The following TP53BP1 variants were observed in gnomAD, a reference collection of about 807,000 sequenced individuals.
TP53BP1 encodes tumor protein p53 binding protein 1.
TP53BP1 carries 61 observed loss-of-function variants against 200.8 expected under a neutral mutation model. The ratio of observed to expected loss-of-function variants is 0.30; its 90% CI spans 0.25 to 0.38. TP53BP1 has a LOEUF of 0.38. TP53BP1 is among the 10% of genes least tolerant of loss of function. The pLI, the probability that TP53BP1 is intolerant of heterozygous loss-of-function variation, is 1.00. For synonymous variants in TP53BP1, 822 were observed against 844.3 expected (o/e 0.97, Z 0.46); for missense variants, 2,144 against 2,371.9 (o/e 0.90, Z 2.00).
intron 10 of TP53BP1, among the ~76,000 whole-genome samples, chr15:43,472,874 T>G (rs1395924565): frequency 6.6e-6 from 1 of 152,188 alleles, no homozygotes; most frequent in African/African-American, 2.4e-5. Flanking sequence ...GGTGGGTTCT[T>G]GGTCTCACTG....
chr15:43,447,549 T>C, intron 12 of TP53BP1, 64 bp from the exon 13 acceptor site: 1 of 1,332,894 alleles, frequency 7.5e-7, no homozygotes, highest in Non-Finnish European at 1.0e-6. Flanking sequence ...AACAGAAGTA[T>C]AAAATAAGCA....
At chr15:43,498,416 C>T (rs141691972) in intron 1 of TP53BP1, among the ~76,000 whole-genome samples, 120 of 152,276 alleles carry the variant, frequency 7.9e-4, no homozygotes, top group African/African-American at 2.7e-3. Context: ...GAGGATATAT[C>T]ACACTTTAAT....
In TP53BP1 at chr15:43,438,355, G is replaced by C. The variant is rs2045848964; in HGVS notation, c.3160C>G (p.Arg1054Gly). 7 of 1,613,768 alleles carry C rather than the reference G, an allele frequency of 4.3e-6. No individual in the cohort carries two copies. The highest frequency in any genetic ancestry group is 4.5e-5 in the East Asian group (2 of 44,880). The change falls in exon 16 of 28, where the codon CGA (arginine) becomes GGA (glycine). Residue 1054 changes from arginine (R) to glycine (G), a missense_variant. By Grantham distance (125) the Arg-to-Gly change is moderately radical (BLOSUM62 -2). Transcript: ENST00000382044. ...GGTGTGGTGGGGGGATCCTCACTTC[G>C]AGCCTCATTCTCTTGCCTGGCTTCA... ...ICEARQENEARSEDPPTTPIR... is the reference protein window; with the variant it reads ...ICEARQENEAGSEDPPTTPIR...
intron 12 of TP53BP1, among the ~76,000 whole-genome samples, chr15:43,452,258 T>C (rs984172952): frequency 6.6e-6 from 1 of 152,200 alleles, no homozygotes; most frequent in East Asian, 1.9e-4. Flanking sequence ...TTTATACAAT[T>C]TTCTAAGTTA....
chr15:43,407,130 G>A lies in TP53BP1; in HGVS notation c.*253C>T. On this transcript the variant is annotated 3_prime_UTR_variant, in exon 28 of 28. Transcript: ENST00000382044. ...CCAGCTGTCCTCCGTAAGTGAATAAGCCTGTTGAAAGACTCAGAGAAAGTA... is the reference window on the plus strand; with the variant it reads ...CCAGCTGTCCTCCGTAAGTGAATAAACCTGTTGAAAGACTCAGAGAAAGTA... 4.7e-6 allele frequency: 2 copies of A among 421,728 alleles called. No homozygotes were observed. The highest frequency in any genetic ancestry group is 3.4e-5 in the South Asian group (1 of 29,792). 26.1% of individuals were successfully genotyped at this position (421,728 alleles called of 1,614,324 possible).
rs759792821 is a variant in TP53BP1, at chr15:43,407,333, AAC to A, written c.*48_*49del. 6.4e-7 allele frequency: 1 copy of A among 1,562,230 alleles called. No homozygotes were observed. The highest frequency in any genetic ancestry group is 1.3e-5 in the African/African-American group (1 of 74,102). On this transcript the variant is annotated 3_prime_UTR_variant, in exon 28 of 28. Transcript: ENST00000382044. ...CAAGACACATTTAAAACCTGGTTAA[AAC>A]ACAATCTCCACGATAGCAGGGAATA...
At chr15:43,421,295 G>A (rs1273407878) in intron 19 of TP53BP1, 121 bp from the exon 20 acceptor site, 3 of 1,072,468 alleles carry the variant, frequency 2.8e-6, no homozygotes, top group Non-Finnish European at 2.7e-6. Flanking sequence ...TGGGGCAGCA[G>A]GAAGCTGGTT....
intron 23 of TP53BP1, among the ~76,000 whole-genome samples, chr15:43,413,631 C>A (rs2045187369): frequency 1.3e-5 from 2 of 152,164 alleles, no homozygotes; most frequent in Non-Finnish European, 2.9e-5. Flanking sequence ...CATATAGCCA[C>A]ACCAAATACT....
rs778723745 is a variant in TP53BP1, at chr15:43,470,030, C to A, written c.1217G>T (p.Gly406Val). ...AAGTTTCTTCTGAAAAGGCTCTCCT[C>A]CTTCTTCAGATAACACTGACGTGTC... Reference protein sequence around the residue: ...PMDTSVLSEEGGEPFQKKLQS... With the variant: ...PMDTSVLSEEVGEPFQKKLQS... The change falls in exon 11 of 28, where the codon GGA becomes GTA. Residue 406 changes from glycine to valine, a missense_variant. By Grantham distance (109) the Gly-to-Val change is moderately radical. This residue lies in a region of TP53BP1 where 1,700 missense variants were observed against 1,710.3 expected (regional missense o/e 0.99). Coordinates refer to ENST00000382044, the MANE Select transcript of TP53BP1 (RefSeq NM_001141980.3). 1 of 1,613,374 alleles carries A rather than the reference C, an allele frequency of 6.2e-7. No homozygotes were observed. The highest frequency in any genetic ancestry group is 1.7e-5 in the Admixed American group (1 of 60,024).
upstream of TP53BP1, chr15:43,497,688 G>A (rs1052139980): frequency 6.5e-6 from 1 of 153,766 alleles, no homozygotes; most frequent in Admixed American, 6.5e-5. Flanking sequence ...AATTCAGAAA[G>A]AGAGAAAGTA....
chr15:43,440,281 G>C (rs1013773389), intron 15 of TP53BP1, among the ~76,000 whole-genome samples: 1 of 152,100 alleles, frequency 6.6e-6, no homozygotes, highest in African/African-American at 2.4e-5. Flanking sequence ...ACTCTGTCTT[G>C]CGGGCGGATC....
At chr15:43,445,749 C>T (rs896449217) in intron 14 of TP53BP1, among the ~76,000 whole-genome samples, 6 of 152,112 alleles carry the variant, frequency 3.9e-5, no homozygotes, top group Admixed American at 3.3e-4. Flanking sequence ...CCTACTCGCT[C>T]CTCAAATTCA....
chr15:43,414,160 T>C (rs1272059605), intron 23 of TP53BP1: 7 of 467,802 alleles, frequency 1.5e-5, no homozygotes, highest in African/African-American at 2.0e-5. Flanking sequence ...AGAGGCAATA[T>C]GACGTTATAT....
intron 25 of TP53BP1, chr15:43,409,325 G>A (rs1038432733): frequency 1.2e-5 from 7 of 586,258 alleles, no homozygotes; most frequent in Admixed American, 3.0e-5. Context: ...AATCCTCAAC[G>A]GACAACCAAA....
rs773176867 is a variant in TP53BP1, at chr15:43,406,910, G to C, written c.*473C>G. On this transcript the variant is annotated 3_prime_UTR_variant, in exon 28 of 28. Transcript: ENST00000382044. ...GCTGTGATCTCAGCTCAGAGAGAGA[G>C]CATGAGGTCTTTTTTAACTGTCAGG... The C allele has an allele frequency of 1.6e-5, 4 of 248,166 alleles. No individual in the cohort carries two copies. The highest frequency in any genetic ancestry group is 2.4e-5 in the Non-Finnish European group (3 of 125,364). 15.4% of individuals were successfully genotyped at this position (248,166 alleles called of 1,614,324 possible). A position where few individuals can be genotyped will look rare whatever the true frequency, so the allele number is the denominator to read the frequency against.
chr15:43,481,952 G>A (rs1313429231), intron 4 of TP53BP1, among the ~76,000 whole-genome samples: 2 of 152,018 alleles, frequency 1.3e-5, no homozygotes, highest in African/African-American at 4.8e-5. Context: ...CACCGACCAG[G>A]CACGGTGGCT....
At chr15:43,476,581 G>A (rs926109153) in intron 8 of TP53BP1, among the ~76,000 whole-genome samples, 1 of 152,198 alleles carries the variant, frequency 6.6e-6, no homozygotes, top group African/African-American at 2.4e-5. Flanking sequence ...AATAGATGGA[G>A]TATCAACTAT....
rs1407664491 is a variant in TP53BP1 at position 43,493,150 on chromosome 15, C to A, written c.-107G>T. 4.5e-6 allele frequency: 7 copies of A among 1,565,364 alleles called. No homozygotes were observed. The highest frequency in any genetic ancestry group is 6.0e-6 in the Non-Finnish European group (7 of 1,161,618). ...CTGTCGCCACCGCCGCCACCGGCCG[C>A]GAACTCCCCCTTTCCCGTCACGTCA... is the stretch of plus-strand genomic sequence containing the variant. On this transcript the variant is annotated 5_prime_UTR_variant, in exon 1 of 28. Coordinates refer to ENST00000382044, the MANE Select transcript of TP53BP1 (RefSeq NM_001141980.3).
rs1484806181 is a variant in TP53BP1, at chr15:43,470,036, T to C, written c.1211A>G (p.Glu404Gly). The C allele has an allele frequency of 6.2e-6, 10 of 1,613,212 alleles. No homozygotes were observed. In the South Asian group the frequency reaches 1.1e-4, roughly 18 times the overall value. The change falls in exon 11 of 28, where the codon GAA becomes GGA. Residue 404 changes from glutamate to glycine, a missense_variant. Glu to Gly is a moderately conservative substitution (Grantham distance 98). This residue lies in a region of TP53BP1 where 1,700 missense variants were observed against 1,710.3 expected (regional missense o/e 0.99). Transcript: ENST00000382044. ...CTTCTGAAAAGGCTCTCCTCCTTCT[T>C]CAGATAACACTGACGTGTCCATTGG... ...DKPMDTSVLS[E>G]EGGEPFQKKL...
Sources: gnomAD v4.1 joint callset for allele counts (sites outside exome capture counted in the v4.1 genomes callset) on GRCh38, gnomAD v4.1.1 for gene constraint, gnomAD v4.1.1 regional missense constraint, MANE v1.5 for transcripts, NCBI Gene and HGNC (gene_info 2026-07-23, HGNC 2026-07-21) for gene names.